Variants in SRSF11 observed in about 807,000 individuals in gnomAD.
SRSF11 encodes serine and arginine rich splicing factor 11, also known as serine/arginine-rich splicing factor 11.
Under a neutral mutation model 56.0 loss-of-function variants are expected in SRSF11, and 9 were observed. The observed-to-expected ratio is 0.16, with a 90% CI of 0.10 to 0.28. SRSF11 has a LOEUF of 0.28. Among genes scored for constraint, SRSF11 ranks in the 10% least tolerant of loss-of-function variants. The pLI is 1.00. For missense variants in SRSF11, 421 were observed against 600.7 expected (o/e 0.70, Z 3.13); for synonymous variants, 222 against 215.3 (o/e 1.03, Z -0.27).
At chr1:70,224,283 A>C (rs995611276) in intron 1 of SRSF11, among the ~76,000 whole-genome samples, 1 of 152,162 alleles carries the variant, frequency 6.6e-6, no homozygotes, top group African/African-American at 2.4e-5. Context: ...AGGCAGTGAC[A>C]TGCACCTGTA....
At chr1:70,243,336 CAAAAAAA>C (rs56098296) in intron 7 of SRSF11, among the ~76,000 whole-genome samples, 67 of 32,556 alleles carry the variant, frequency 2.1e-3, no homozygotes, top group African/African-American at 2.8e-3. Context: ...TGGTTGGTGG[CAAAAAAA>C]AAAAAAAAAA....
chr1:70,236,332 C>CTTTTTTTTTTTTTTTTTT (rs554617176), intron 5 of SRSF11, among the ~76,000 whole-genome samples: 3 of 133,858 alleles, frequency 2.2e-5, no homozygotes, highest in Non-Finnish European at 4.8e-5. Context: ...CTTTCTTTTT[C>CTTTTTTTTTTTTTTTTTT]TTTTTTTTTT....
chr1:70,248,575 A>G (rs1420421852), intron 9 of SRSF11: 1 of 152,168 alleles, frequency 6.6e-6, no homozygotes, highest in Non-Finnish European at 1.5e-5. Flanking sequence ...ACAGAAGGAA[A>G]TGCTGAATCA....
chr1:70,208,635 G>GC (rs111608717), intron 1 of SRSF11, among the ~76,000 whole-genome samples: 18,005 of 152,176 alleles, frequency 0.12, 1,253 homozygotes, highest in East Asian at 0.3. Flanking sequence ...ACCGCACCCA[G>GC]CTGCTGTATT....
chr1:70,231,597 CTCTCTT>C, intron 2 of SRSF11: 2 of 1,128,158 alleles, frequency 1.8e-6, no homozygotes, highest in Non-Finnish European at 2.2e-6. Flanking sequence ...TTTTACCTAT[CTCTCTT>C]TCTCTCTCAC....
Position 70,250,397 on chromosome 1 carries a change from A to T in SRSF11, c.1151A>T (p.Lys384Ile), listed in dbSNP as rs1447640727. 1 of 1,604,566 alleles carries T rather than the reference A, an allele frequency of 6.2e-7. No homozygotes were observed. The highest frequency in any genetic ancestry group is 8.5e-7 in the Non-Finnish European group (1 of 1,171,726). Residue 384 changes from lysine (K) to isoleucine (I), a missense_variant, in exon 11 of 12, where the codon AAA (lysine) becomes ATA (isoleucine). Lys to Ile is a moderately radical substitution (Grantham distance 102, BLOSUM62 -3). Around this residue, in one of 2 missense-constraint regions of SRSF11, gnomAD observed 253 missense variants for 305.8 expected, o/e 0.83. Coordinates refer to ENST00000370949, the MANE Select transcript of SRSF11 (RefSeq NM_001350605.2). ...AAGGAGAAGAAGAAAGATAAAGACAAAGAAAGAAGTAGGGATGAAAGAGAA... is the reference window on the plus strand; with the variant it reads ...AAGGAGAAGAAGAAAGATAAAGACATAGAAAGAAGTAGGGATGAAAGAGAA... ...HKKEKKKDKDKERSRDERERS... is the reference protein window; with the variant it reads ...HKKEKKKDKDIERSRDERERS...
intron 8 of SRSF11, among the ~76,000 whole-genome samples, chr1:70,246,036 A>AG (rs1411809922): frequency 6.6e-6 from 1 of 152,140 alleles, no homozygotes; most frequent in East Asian, 1.9e-4. Flanking sequence ...TGACCAGAGA[A>AG]GGGAAAAAAA....
At chr1:70,230,353 A>G in intron 2 of SRSF11, 1 of 1,067,330 alleles carries the variant, frequency 9.4e-7, no homozygotes, top group Non-Finnish European at 1.1e-6. Context: ...TTTAGCTATT[A>G]CACTTCGGTG....
upstream of SRSF11, chr1:70,220,929 G>A (rs1005262570): frequency 6.6e-6 from 1 of 152,126 alleles, no homozygotes; most frequent in East Asian, 1.9e-4. Context: ...TTTTCTGAAA[G>A]TTTTAGTGAC....
rs1255725318 is a variant in SRSF11, at chr1:70,244,757, C to T, written c.874C>T (p.Arg292Trp). The T allele has an allele frequency of 1.9e-6, 3 of 1,613,950 alleles. No individual in the cohort carries two copies. Among genetic ancestry groups the T allele is most frequent in the African/African-American group, 1.3e-5 (1 of 74,878 alleles). Residue 292 changes from arginine to tryptophan, a missense_variant, in exon 8 of 12, where the codon CGG becomes TGG. Arg to Trp is a moderately radical substitution (Grantham distance 101, BLOSUM62 -3). Transcript: ENST00000370949. ...TCGGCGACGATCCAAAAGCCCAAGG[C>T]GGAGAAGATCTCATTCCAGAGAAAG... ...RSRRRSKSPR[R>W]RRSHSRERGR...
At chr1:70,244,658 G>T in intron 7 of SRSF11, 26 bp from the exon 8 acceptor site, 1 of 1,607,588 alleles carries the variant, frequency 6.2e-7, no homozygotes, top group Middle Eastern at 1.7e-4. Context: ...TTATACACAT[G>T]TATTGGCTTC....
At chr1:70,225,618 C>T (rs1027181542) in intron 1 of SRSF11, among the ~76,000 whole-genome samples, 3 of 152,156 alleles carry the variant, frequency 2.0e-5, no homozygotes, top group African/African-American at 7.2e-5. Flanking sequence ...AAAAAAGATT[C>T]TCTACAGACC....
At chr1:70,238,508 T>G (rs1674614513) in intron 6 of SRSF11, among the ~76,000 whole-genome samples, 1 of 152,232 alleles carries the variant, frequency 6.6e-6, no homozygotes, top group Non-Finnish European at 1.5e-5. Context: ...TACAATGACT[T>G]TATTTCTCTT....
intron 2 of SRSF11, chr1:70,232,034 A>G (rs1467359597): frequency 6.6e-6 from 10 of 1,514,712 alleles, no homozygotes; most frequent in Non-Finnish European, 8.8e-6. Context: ...ATTTTTTTTT[A>G]CTCTAGAAAC....
chr1:70,235,611 G>GT (rs758323607), intron 5 of SRSF11, 61 bp downstream of exon 5: 25 of 1,506,218 alleles, frequency 1.7e-5, no homozygotes, highest in African/African-American at 8.5e-5. Context: ...CAGAATTAGA[G>GT]TTTTTTTGAT....
chr1:70,223,476 C>T (rs1671086557), intron 1 of SRSF11, among the ~76,000 whole-genome samples: 1 of 152,098 alleles, frequency 6.6e-6, no homozygotes, highest in African/African-American at 2.4e-5. Context: ...TCCTTCATAA[C>T]CAGGACAGCT....
At chr1:70,233,771 C>G (rs1304437148) in intron 3 of SRSF11, among the ~76,000 whole-genome samples, 2 of 152,144 alleles carry the variant, frequency 1.3e-5, no homozygotes, top group Admixed American at 1.3e-4. Context: ...TTAAAGTAGC[C>G]TCACTTTCAT....
chr1:70,231,756 A>G, intron 2 of SRSF11: 4 of 1,249,502 alleles, frequency 3.2e-6, no homozygotes, highest in South Asian at 1.4e-5. Context: ...CAAAATTTGT[A>G]TGGTAGGTGT....
chr1:70,237,082 G>A (rs149866127), intron 5 of SRSF11, among the ~76,000 whole-genome samples: 9 of 151,762 alleles, frequency 5.9e-5, no homozygotes, highest in African/African-American at 9.7e-5. Context: ...CCACCACACC[G>A]GCCCAAAAAT....
Sources: gnomAD v4.1 joint callset for allele counts (sites outside exome capture counted in the v4.1 genomes callset) on GRCh38, gnomAD v4.1.1 for gene constraint, gnomAD v4.1.1 regional missense constraint, MANE v1.5 for transcripts, NCBI Gene and HGNC (gene_info 2026-07-23, HGNC 2026-07-21) for gene names.